Variants in TULP4 observed in about 807,000 individuals in gnomAD.
The protein encoded by TULP4 is tubby-related protein 4.
In TULP4, 16 loss-of-function variants were observed where a neutral mutation model predicts 129.0. That is an observed-to-expected ratio of 0.12 (90% confidence interval 0.08 to 0.19). The LOEUF is 0.19. Among genes scored for constraint, TULP4 ranks in the 10% least tolerant of loss-of-function variants. TULP4 has a pLI of 1.00. For synonymous variants in TULP4, 998 were observed against 854.0 expected (o/e 1.17, Z -2.94); for missense variants, 1,842 against 2,059.1 (o/e 0.89, Z 2.04).
intron 2 of TULP4, among the ~76,000 whole-genome samples, chr6:158,420,108 TGAG>T (rs930281301): frequency 6.6e-6 from 1 of 152,190 alleles, no homozygotes; most frequent in African/African-American, 2.4e-5. Flanking sequence ...GAGCCAAAAT[TGAG>T]GATATTATAT....
At chr6:158,367,936 A>AG (rs1335838356) in intron 1 of TULP4, among the ~76,000 whole-genome samples, 1 of 151,218 alleles carries the variant, frequency 6.6e-6, no homozygotes, top group Non-Finnish European at 1.5e-5. Context: ...AAAAAAAAAA[A>AG]AATCAAATCT....
chr6:158,261,617 C>A (rs7771016), intron 1 of TULP4, among the ~76,000 whole-genome samples: 1 of 152,026 alleles, frequency 6.6e-6, no homozygotes, highest in Non-Finnish European at 1.5e-5. Flanking sequence ...AAAATAAAGG[C>A]GAGGGATATG....
At chr6:158,295,582 C>T (rs1411441557) in intron 1 of TULP4, among the ~76,000 whole-genome samples, 3 of 148,358 alleles carry the variant, frequency 2.0e-5, no homozygotes, top group Non-Finnish European at 4.5e-5. Context: ...TAACTACCAC[C>T]CAGGTAAAGA....
chr6:158,246,067 G>GTA, intron 1 of TULP4, among the ~76,000 whole-genome samples: 1 of 126,852 alleles, frequency 7.9e-6, no homozygotes, highest in Admixed American at 8.1e-5. Context: ...TGTGTGTATT[G>GTA]TTCTCAATTG....
At chr6:158,278,544 G>T (rs1236512762), upstream of TULP4, among the ~76,000 whole-genome samples, 1 of 151,942 alleles carries the variant, frequency 6.6e-6, no homozygotes, top group African/African-American at 2.4e-5. Context: ...ATCTTTCCTA[G>T]AAAAAAATGT....
At chr6:158,487,307 G>T (rs977282317) in intron 8 of TULP4, among the ~76,000 whole-genome samples, 14 of 152,118 alleles carry the variant, frequency 9.2e-5, no homozygotes, top group African/African-American at 3.4e-4. Context: ...AGCCATGGCA[G>T]CATGCATCTG....
At chr6:158,425,513 CAAAAAAAAAA>C (rs35469800) in intron 2 of TULP4, among the ~76,000 whole-genome samples, 2 of 61,876 alleles carry the variant, frequency 3.2e-5, no homozygotes, top group Non-Finnish European at 5.3e-5. Flanking sequence ...AACTCCGTCT[CAAAAAAAAAA>C]AAAAAAAAAA....
At chr6:158,405,976 A>G (rs1316921320) in intron 1 of TULP4, among the ~76,000 whole-genome samples, 1 of 152,206 alleles carries the variant, frequency 6.6e-6, no homozygotes, top group African/African-American at 2.4e-5. Flanking sequence ...GACAGCAAGA[A>G]CACATGCTTA....
intron 1 of TULP4, among the ~76,000 whole-genome samples, chr6:158,412,048 G>A (rs1415901686): frequency 2.0e-5 from 3 of 152,108 alleles, no homozygotes; most frequent in African/African-American, 7.2e-5. Context: ...GTTAGTAATA[G>A]CTCTTATTTT....
At chr6:158,450,600 C>T (rs1779143027) in intron 4 of TULP4, among the ~76,000 whole-genome samples, 1 of 152,094 alleles carries the variant, frequency 6.6e-6, no homozygotes, top group Non-Finnish European at 1.5e-5. Context: ...ATCCCCTTTC[C>T]TAATAGGATA....
chr6:158,463,762 G>T (rs958488962), intron 6 of TULP4, among the ~76,000 whole-genome samples: 2 of 146,786 alleles, frequency 1.4e-5, no homozygotes, highest in African/African-American at 2.5e-5. Flanking sequence ...AGGGATACCA[G>T]ATATGGGGAA....
At chr6:158,342,912 A>G (rs1024023768) in intron 1 of TULP4, among the ~76,000 whole-genome samples, 1 of 151,462 alleles carries the variant, frequency 6.6e-6, no homozygotes, top group African/African-American at 2.4e-5. Flanking sequence ...GATCACTGCT[A>G]GGCTTCCTAT....
intron 1 of TULP4, among the ~76,000 whole-genome samples, chr6:158,331,688 GACACACACACACACACAC>G (rs146753041): frequency 4.6e-5 from 2 of 43,300 alleles, no homozygotes; most frequent in African/African-American, 1.4e-4. Context: ...TCGTTCAACA[GACACACACACACACACAC>G]ACACACACAC....
chr6:158,298,506 T>C (rs140163471), intron 1 of TULP4, among the ~76,000 whole-genome samples: 4,237 of 151,674 alleles, frequency 0.028, 90 homozygotes, highest in Non-Finnish European at 0.041. Context: ...GCCATGGCGA[T>C]GAAGGCTTGT....
At chr6:158,407,724 C>T (rs555556254) in intron 1 of TULP4, among the ~76,000 whole-genome samples, 7 of 152,202 alleles carry the variant, frequency 4.6e-5, no homozygotes, top group South Asian at 4.1e-4. Flanking sequence ...AGAAGGAAGC[C>T]GGTCACAAAA....
At chr6:158,419,523 A>G (rs988745206) in intron 2 of TULP4, among the ~76,000 whole-genome samples, 6 of 152,242 alleles carry the variant, frequency 3.9e-5, no homozygotes, top group Admixed American at 6.5e-5. Context: ...AAATTTACCA[A>G]TCAAAAGATA....
chr6:158,287,238 C>T (rs1050514952), intron 1 of TULP4, among the ~76,000 whole-genome samples: 6 of 152,120 alleles, frequency 3.9e-5, no homozygotes, highest in African/African-American at 1.2e-4. Context: ...CTAGCATTTG[C>T]GTGGCCAGAC....
chr6:158,268,498 G>A (rs1300129548), intron 1 of TULP4, among the ~76,000 whole-genome samples: 1 of 152,176 alleles, frequency 6.6e-6, no homozygotes, highest in African/African-American at 2.4e-5. Flanking sequence ...CAGTAGAAAT[G>A]TGTTGCTCAC....
At chr6:158,308,785 G>A (rs1384930531), upstream of TULP4, among the ~76,000 whole-genome samples, 2 of 147,738 alleles carry the variant, frequency 1.4e-5, no homozygotes, top group Admixed American at 6.6e-5. Flanking sequence ...CTCCCGGACG[G>A]GGCAGCTGGC....
Sources: allele counts gnomAD v4.1 joint callset (sites outside exome capture counted in the v4.1 genomes callset), GRCh38; gene constraint gnomAD v4.1.1; transcripts MANE v1.5; gene names NCBI Gene and HGNC (gene_info 2026-07-23, HGNC 2026-07-21).